The following SLC24A2 variants were observed in gnomAD, a reference collection of about 807,000 sequenced individuals.
SLC24A2 encodes the protein sodium/potassium/calcium exchanger 2.
In SLC24A2, 36 loss-of-function variants were observed where a neutral mutation model predicts 62.0. The observed-to-expected ratio is 0.58, with a 90% CI of 0.44 to 0.77. The LOEUF is 0.77. Ranked by LOEUF, SLC24A2 falls within the 30% of genes least tolerant of loss-of-function variation. The probability of loss-of-function intolerance (pLI) is 0.00; values close to 1 mark genes in which losing one functional copy is unlikely to be tolerated. For synonymous variants in SLC24A2, 358 were observed against 294.0 expected (o/e 1.22, Z -2.23); for missense variants, 846 against 817.9 (o/e 1.03, Z -0.42).
In SLC24A2 at chr9:19,636,390, C is replaced by CCCCCCT. The variant is rs1554690448; in HGVS notation, c.931-14092_931-14091insAGGGGG. 4.5e-5 allele frequency among the ~76,000 whole-genome samples: 3 copies of CCCCCCT among 66,976 alleles called. 1 individual carries two copies. The highest frequency in any genetic ancestry group is 2.3e-4 in the African/African-American group (3 of 13,262). The allele number at this position is 66,976 out of a possible 152,430, so 43.9% of individuals were successfully genotyped here. On this transcript the variant is annotated intron_variant, in intron 2 of 10. Coordinates refer to ENST00000341998, the MANE Select transcript of SLC24A2 (RefSeq NM_020344.4). ...TTCTTTCTTTCTTTCTTTCTTTCTC[C>CCCCCCT]CTCTCTCTCTCTCTCTCTTTCTTTC... is the stretch of plus-strand genomic sequence containing the variant.
At chr9:20,084,088 C>T in the SLC24A2 span, among the ~76,000 whole-genome samples, 5 of 152,172 alleles carry the variant, frequency 3.3e-5, no homozygotes, top group East Asian at 1.9e-4. Context: ...GGCTTTTCAC[C>T]GTGGAGCAGG....
In SLC24A2 at chr9:19,515,922, A is replaced by T. The variant is rs1341777777; in HGVS notation, c.*231T>A. 1 of 550,030 alleles carries T rather than the reference A, an allele frequency of 1.8e-6. No individual in the cohort carries two copies. The highest frequency in any genetic ancestry group is 2.9e-5 in the Admixed American group (1 of 34,922). 34.1% of individuals were successfully genotyped at this position (550,030 alleles called of 1,614,324 possible). ...AGTGGTGAATAGGGAGAAGCCCTGTATTGACGGTTCTCTTTGTCTTTTACA... is the reference window on the plus strand; with the variant it reads ...AGTGGTGAATAGGGAGAAGCCCTGTTTTGACGGTTCTCTTTGTCTTTTACA... On this transcript the variant is annotated 3_prime_UTR_variant, in exon 11 of 11. Transcript: ENST00000341998.
chr9:20,259,559 A>T, the SLC24A2 span, among the ~76,000 whole-genome samples: 1 of 152,136 alleles, frequency 6.6e-6, no homozygotes, highest in Non-Finnish European at 1.5e-5. Flanking sequence ...AGAATGAATG[A>T]GTTATATGCC....
the SLC24A2 span, among the ~76,000 whole-genome samples, chr9:20,297,978 G>C: frequency 2.0e-5 from 3 of 152,156 alleles, no homozygotes; most frequent in Non-Finnish European, 4.4e-5. Flanking sequence ...TGGCTGGCTT[G>C]CCTTGCATGC....
At chr9:19,581,212 C>T (rs914865742) in intron 5 of SLC24A2, among the ~76,000 whole-genome samples, 3 of 152,092 alleles carry the variant, frequency 2.0e-5, no homozygotes, top group African/African-American at 7.2e-5. Context: ...AGTGAATCCC[C>T]CAACACTTGA....
the SLC24A2 span, among the ~76,000 whole-genome samples, chr9:19,968,814 T>C: frequency 1.3e-5 from 2 of 152,180 alleles, no homozygotes; most frequent in Admixed American, 6.5e-5. Context: ...TGTGCATTCA[T>C]CTCAAGGCAT....
chr9:19,797,023 AT>A, the SLC24A2 span, among the ~76,000 whole-genome samples: 1 of 152,084 alleles, frequency 6.6e-6, no homozygotes, highest in East Asian at 1.9e-4. Context: ...TCTTTTCTCC[AT>A]TTTCTATTCA....
At chr9:19,590,488 T>G (rs1587003486) in intron 5 of SLC24A2, among the ~76,000 whole-genome samples, 1 of 152,190 alleles carries the variant, frequency 6.6e-6, no homozygotes, top group East Asian at 1.9e-4. Flanking sequence ...CTGCCCTTCC[T>G]TATTACTTCT....
intron 2 of SLC24A2, among the ~76,000 whole-genome samples, chr9:19,714,528 G>C (rs1156834962): frequency 1.3e-5 from 2 of 152,188 alleles, no homozygotes; most frequent in Non-Finnish European, 2.9e-5. Context: ...CCTTGTTTGT[G>C]ATTTGTACAG....
chr9:20,230,652 G>C, the SLC24A2 span, among the ~76,000 whole-genome samples: 2 of 152,144 alleles, frequency 1.3e-5, no homozygotes, highest in Non-Finnish European at 2.9e-5. Flanking sequence ...CAGACGAGTA[G>C]ATTGCAAAAA....
chr9:19,866,008 A>C, the SLC24A2 span, among the ~76,000 whole-genome samples: 1 of 152,218 alleles, frequency 6.6e-6, no homozygotes, highest in Non-Finnish European at 1.5e-5. Flanking sequence ...GGGGGGAAAA[A>C]TCTAATAATC....
chr9:20,053,081 G>C, the SLC24A2 span, among the ~76,000 whole-genome samples: 2 of 152,302 alleles, frequency 1.3e-5, no homozygotes, highest in Non-Finnish European at 1.5e-5. Context: ...TCAGGGAAGA[G>C]AGGTTTTCCT....
the SLC24A2 span, among the ~76,000 whole-genome samples, chr9:19,954,575 A>G: frequency 6.6e-6 from 1 of 151,964 alleles, no homozygotes; most frequent in Non-Finnish European, 1.5e-5. Flanking sequence ...CCAATAAAAC[A>G]TCTTCCGCCA....
chr9:20,302,168 C>G, the SLC24A2 span, among the ~76,000 whole-genome samples: 1 of 152,150 alleles, frequency 6.6e-6, no homozygotes, highest in African/African-American at 2.4e-5. Flanking sequence ...AAGTTTTTGG[C>G]AATTCTGAAT....
At chr9:20,267,401 G>A in the SLC24A2 span, among the ~76,000 whole-genome samples, 1 of 152,180 alleles carries the variant, frequency 6.6e-6, no homozygotes. Context: ...AGGTCAGTGA[G>A]TTCAGAATGC....
the SLC24A2 span, among the ~76,000 whole-genome samples, chr9:20,049,876 A>G: frequency 6.6e-4 from 101 of 152,158 alleles, 1 homozygote; most frequent in East Asian, 0.018. Context: ...AGACATGGCC[A>G]CTCAGGAAGA....
chr9:20,033,521 A>G, the SLC24A2 span, among the ~76,000 whole-genome samples: 1 of 152,238 alleles, frequency 6.6e-6, no homozygotes, highest in African/African-American at 2.4e-5. Flanking sequence ...TGATAGAAAT[A>G]ATTTGTGACA....
chr9:19,535,222 A>ATTTG (rs1210730265), intron 8 of SLC24A2, among the ~76,000 whole-genome samples: 1 of 151,432 alleles, frequency 6.6e-6, no homozygotes, highest in Admixed American at 6.6e-5. Context: ...TTTCTTGTAA[A>ATTTG]TTTAAGTTCT....
chr9:19,673,448 T>C (rs1010593359), intron 2 of SLC24A2, among the ~76,000 whole-genome samples: 3 of 150,870 alleles, frequency 2.0e-5, no homozygotes, highest in South Asian at 2.1e-4. Flanking sequence ...TGTGTGCGTG[T>C]GTGTGTGTGT....
Sources: gnomAD v4.1 joint callset for allele counts (sites outside exome capture counted in the v4.1 genomes callset) on GRCh38, gnomAD v4.1.1 for gene constraint, MANE v1.5 for transcripts, NCBI Gene and HGNC (gene_info 2026-07-23, HGNC 2026-07-21) for gene names.